FLII: variants seen among roughly 807,000 people sequenced by gnomAD.
FLII encodes protein flightless-1 homolog.
FLII carries 101 observed loss-of-function variants against 156.2 expected under a neutral mutation model. The ratio of observed to expected loss-of-function variants is 0.65; its 90% CI spans 0.55 to 0.76. The LOEUF is 0.76. FLII is among the 30% of genes least tolerant of loss of function. The pLI is 0.00. For synonymous variants in FLII, 767 were observed against 685.8 expected (o/e 1.12, Z -1.85); for missense variants, 1,675 against 1,682.8 (o/e 1.00, Z 0.08).
chr17:18,247,747 G>T lies in FLII; in HGVS notation c.2397C>A (p.Ala799=). Residue 799 remains alanine (A), a synonymous_variant, in exon 20 of 30, where the codon GCC becomes GCA. Transcript: ENST00000327031. ...ACAGCTCCTGACCCAGCTTGAGGGCGGCAGCGCGCACCAGGCGCGGGGACT... is the reference window on the plus strand; with the variant it reads ...ACAGCTCCTGACCCAGCTTGAGGGCTGCAGCGCGCACCAGGCGCGGGGACT... ...GRKSPRLVRA[A]ALKLGQELCG... 6.2e-7 allele frequency: 1 copy of T among 1,606,358 alleles called. No individual in the cohort carries two copies. Among genetic ancestry groups the T allele is most frequent in the South Asian group, 1.1e-5 (1 of 91,056 alleles).
rs370879322 is a variant in FLII, at chr17:18,247,230, T to C, written c.2615A>G (p.Gln872Arg). Reference protein sequence around the residue: ...KVKRDAEKKDQMKADLTALFL... With the variant: ...KVKRDAEKKDRMKADLTALFL... ...AAGCGCAGTGAGGTCAGCCTTCATCTGGTCTTTCTTCTCGGCGTCGCGTTT... is the reference window on the plus strand; with the variant it reads ...AAGCGCAGTGAGGTCAGCCTTCATCCGGTCTTTCTTCTCGGCGTCGCGTTT... The change falls in exon 21 of 30, where the codon CAG (glutamine) becomes CGG (arginine). Residue 872 changes from glutamine (Q) to arginine (R), a missense_variant. By Grantham distance (43) the Gln-to-Arg change is conservative. Coordinates refer to ENST00000327031, the MANE Select transcript of FLII (RefSeq NM_002018.4). 15 of 1,600,632 alleles carry C rather than the reference T, an allele frequency of 9.4e-6. No homozygotes were observed. The highest frequency in any genetic ancestry group is 1.7e-5 in the Admixed American group (1 of 59,448).
Position 18,247,821 on chromosome 17 carries a change from C to CG in FLII, c.2322dup (p.Val775ArgfsTer102). The CG allele has an allele frequency of 1.2e-6, 2 of 1,613,516 alleles. No homozygotes were observed. Among genetic ancestry groups the CG allele is most frequent in the Non-Finnish European group, 1.7e-6 (2 of 1,180,008 alleles). Reference sequence around the variant, plus strand: ...TCGGACCAACAGTCCAGAATGTACACGCAGCGCGTGTCCAGCAGACTCTGC... The same window carrying CG: ...TCGGACCAACAGTCCAGAATGTACACGGCAGCGCGTGTCCAGCAGACTCTGC... On this transcript the variant is annotated frameshift_variant, in exon 20 of 30. Coordinates refer to ENST00000327031, the MANE Select transcript of FLII (RefSeq NM_002018.4). LOFTEE classifies it high-confidence loss of function.
chr17:18,258,151 G>A lies in FLII; in HGVS notation c.63+477C>T, dbSNP rs917105560. Among the ~76,000 whole-genome samples, 2 of 152,260 alleles carry A rather than the reference G, an allele frequency of 1.3e-5. No homozygotes were observed. Among genetic ancestry groups the A allele is most frequent in the Admixed American group, 1.3e-4 (2 of 15,288 alleles). Reference sequence around the variant, plus strand: ...GCTGAGAAAGCCTAGGCTCTGAGAGGGGAAGTGATCTGAGAGGCCCAGGAT... The same window carrying A: ...GCTGAGAAAGCCTAGGCTCTGAGAGAGGAAGTGATCTGAGAGGCCCAGGAT... On this transcript the variant is annotated intron_variant, in intron 1 of 29. Coordinates refer to ENST00000327031, the MANE Select transcript of FLII (RefSeq NM_002018.4). This position sits in a 1 kb window ranked among gnomAD's most constrained non-coding sequence, Gnocchi z 4.2.
intron 10 of FLII, 76 bp from the exon 11 acceptor site, chr17:18,252,222 C>T (rs371988322): frequency 4.3e-6 from 6 of 1,405,352 alleles, no homozygotes; most frequent in South Asian, 1.2e-5. Flanking sequence ...GTTTCTTGCT[C>T]TTGTCTGCAG....
chr17:18,253,219 A>G lies in FLII; in HGVS notation c.1013+82T>C, dbSNP rs976217892. On this transcript the variant is annotated intron_variant, in intron 9 of 29. Coordinates refer to ENST00000327031, the MANE Select transcript of FLII (RefSeq NM_002018.4). Reference sequence around the variant, plus strand: ...CATCTTCATTTTGTCTGACTTGCACAGACCACAAGGTGGGCTCTGACTACG... The same window carrying G: ...CATCTTCATTTTGTCTGACTTGCACGGACCACAAGGTGGGCTCTGACTACG... The G allele has an allele frequency of 2.1e-6, 3 of 1,454,264 alleles. No individual in the cohort carries two copies. In the Admixed American group the frequency reaches 5.4e-5, roughly 26 times the overall value. The allele number at this position is 1,454,264 out of a possible 1,614,324, so 90.1% of individuals were successfully genotyped here.
chr17:18,246,533 G>A lies in FLII; in HGVS notation c.3051+61C>T, dbSNP rs78659863. On this transcript the variant is annotated intron_variant, in intron 23 of 29. Transcript: ENST00000327031. ...GCCCCTCGGGAGCCTAACCTTCGCT[G>A]GGTCTGAGCCCCACCACACCCCTCC... The A allele has an allele frequency of 4.6e-3, 7,374 of 1,611,350 alleles. 298 individuals are homozygous for A. The African/African-American group carries it at 0.085, about 18-fold the overall frequency.
rs751471210 is a variant in FLII, at chr17:18,252,011, C to T, written c.1234G>A (p.Ala412Thr). 6.2e-7 allele frequency: 1 copy of T among 1,612,970 alleles called. No homozygotes were observed. Among genetic ancestry groups the T allele is most frequent in the South Asian group, 1.1e-5 (1 of 91,076 alleles). ...LAGASPATVA[A>T]AAAAGSGPKD... is the part of the protein sequence containing the mutation. Reference sequence around the variant, plus strand: ...TTTCCCCACTCACCAGCTGCAGCTGCAGCCACGGTAGCAGGAGAGGCACCC... The same window carrying T: ...TTTCCCCACTCACCAGCTGCAGCTGTAGCCACGGTAGCAGGAGAGGCACCC... The change falls in exon 11 of 30, where the codon GCA (alanine) becomes ACA (threonine). Residue 412 changes from alanine to threonine, a missense_variant. Ala to Thr is a moderately conservative substitution (Grantham distance 58, BLOSUM62 0). This residue lies in a region of FLII where 1,332 missense variants were observed against 1,269.3 expected (regional missense o/e 1.05). Transcript: ENST00000327031.
rs1163937454 is a variant in FLII at position 18,246,579 on chromosome 17, G to T, written c.3051+15C>A. 1.2e-6 allele frequency: 2 copies of T among 1,613,180 alleles called. No individual in the cohort carries two copies. Among genetic ancestry groups the T allele is most frequent in the African/African-American group, 2.7e-5 (2 of 74,900 alleles). Reference sequence around the variant, plus strand: ...CCTCCGCCTGGCCTCGGGCTCGCGGGGCTGCCAGGCACACCTCCAGCTTCC... The same window carrying T: ...CCTCCGCCTGGCCTCGGGCTCGCGGTGCTGCCAGGCACACCTCCAGCTTCC... On this transcript the variant is annotated intron_variant, in intron 23 of 29. Transcript: ENST00000327031.
At position 18,246,831 on chromosome 17, in the gene FLII, G is replaced by A; in HGVS notation, c.2817-3C>T. 2.5e-6 allele frequency: 4 copies of A among 1,613,822 alleles called. No individual in the cohort carries two copies. Among genetic ancestry groups the A allele is most frequent in the Non-Finnish European group, 3.4e-6 (4 of 1,179,784 alleles). Reference sequence around the variant, plus strand: ...CGTACTCCACAGGCACCCAGTACCTGCCGGGTTGGAAGGTTGTGAGCAGGG... The same window carrying A: ...CGTACTCCACAGGCACCCAGTACCTACCGGGTTGGAAGGTTGTGAGCAGGG... On this transcript the variant is annotated splice_polypyrimidine_tract_variant and splice_region_variant and intron_variant, in intron 22 of 29. Transcript: ENST00000327031.
rs144058499 is a variant in FLII, at chr17:18,245,227, G to A, written c.3721C>T (p.Arg1241Trp). 1.9e-4 allele frequency: 308 copies of A among 1,613,900 alleles called. No homozygotes were observed. The highest frequency in any genetic ancestry group is 1.8e-3 in the Middle Eastern group (11 of 6,062). Residue 1241 changes from arginine to tryptophan, a missense_variant, in exon 30 of 30, where the codon CGG becomes TGG. Transcript: ENST00000327031. ...TTGCCCTTGCGGACCAGGCGCAGCCGGCGCGGCCGCTCATGTTCCTTGGAC... is the reference window on the plus strand; with the variant it reads ...TTGCCCTTGCGGACCAGGCGCAGCCAGCGCGGCCGCTCATGTTCCTTGGAC... ...MRSKEHERPR[R>W]LRLVRKGNEQ...
chr17:18,251,560 TTTGCACAGCTGTTCTTTC>T (rs2048269371), intron 12 of FLII, 83 bp from the exon 13 acceptor site: 1 of 1,568,210 alleles, frequency 6.4e-7, no homozygotes. Flanking sequence ...CCTCAGGGCC[TTTGCACAGCTGTTCTTTC>T]TGCCCAGCAC....
rs2048361487 is a variant in FLII at position 18,254,542 on chromosome 17, G to A, written c.554C>T (p.Pro185Leu). 6.2e-7 allele frequency: 1 copy of A among 1,612,714 alleles called. No individual in the cohort carries two copies. Among genetic ancestry groups the A allele is most frequent in the Non-Finnish European group, 8.5e-7 (1 of 1,179,756 alleles). ...CCACCGGAGCTGTGCATGCAGCAGG[G>A]GGTTTCCATTGAGCACGAGCGTCTG... ...HLQTLVLNGNPLLHAQLRQLP... is the reference protein window; with the variant it reads ...HLQTLVLNGNLLLHAQLRQLP... Residue 185 changes from proline to leucine, a missense_variant, in exon 6 of 30, where the codon CCC becomes CTC. Physicochemically the swap from Pro to Leu is moderately conservative, Grantham distance 98 (BLOSUM62 -3). Around this residue, in one of 2 missense-constraint regions of FLII, gnomAD observed 343 missense variants for 413.5 expected, o/e 0.83. Coordinates refer to ENST00000327031, the MANE Select transcript of FLII (RefSeq NM_002018.4).
rs1244758186 is a variant in FLII at position 18,244,851 on chromosome 17, A to G, written c.*287T>C. The stretch of plus-strand genomic sequence containing the variant: ...AAAATACTGATTTTTAATATTGAAA[A>G]TAAAAGCATTTAATATCTCTTAAAG... On this transcript the variant is annotated 3_prime_UTR_variant, in exon 30 of 30. Coordinates refer to ENST00000327031, the MANE Select transcript of FLII (RefSeq NM_002018.4). 5 of 399,888 alleles carry G rather than the reference A, an allele frequency of 1.3e-5. No individual in the cohort carries two copies. Among genetic ancestry groups the G allele is most frequent in the African/African-American group, 2.1e-5 (1 of 48,576 alleles). 24.8% of individuals were successfully genotyped at this position (399,888 alleles called of 1,614,324 possible).
intron 6 of FLII, 54 bp downstream of exon 6, chr17:18,254,467 G>T: frequency 6.5e-7 from 1 of 1,530,656 alleles, no homozygotes; most frequent in Non-Finnish European, 8.8e-7. Context: ...GAAGGGGCCC[G>T]GCCAGACTCC....
rs2048046434 is a variant in FLII at position 18,246,210 on chromosome 17, G to C, written c.3219C>G (p.Ile1073Met). 1 of 1,614,028 alleles carries C rather than the reference G, an allele frequency of 6.2e-7. No individual in the cohort carries two copies. Among genetic ancestry groups the C allele is most frequent in the South Asian group, 1.1e-5 (1 of 91,088 alleles). Residue 1073 changes from isoleucine to methionine, a missense_variant, in exon 25 of 30, where the codon ATC becomes ATG. Ile to Met is a conservative substitution (Grantham distance 10). Transcript: ENST00000327031. ...AGTTGAGGAGGCTGGAGTCGGTGTT[G>C]ATCTGGATGCACCTGTGGAAGGGAT... is the stretch of plus-strand genomic sequence containing the variant. ...GSALCTRCIQINTDSSLLNSE... is the reference protein window; with the variant it reads ...GSALCTRCIQMNTDSSLLNSE...
chr17:18,256,817 C>T lies in FLII; in HGVS notation c.174+92G>A. On this transcript the variant is annotated intron_variant, in intron 2 of 29. Coordinates refer to ENST00000327031, the MANE Select transcript of FLII (RefSeq NM_002018.4). Reference sequence around the variant, plus strand: ...GCTCTGCTCATAGCTGTCGGTGTTCCTCTCTCTGGAGAAGTTGTCTGCCTT... The same window carrying T: ...GCTCTGCTCATAGCTGTCGGTGTTCTTCTCTCTGGAGAAGTTGTCTGCCTT... 1.1e-5 allele frequency: 10 copies of T among 890,266 alleles called. No individual in the cohort carries two copies. The South Asian group carries it at 1.5e-4, about 14-fold the overall frequency. 55.1% of individuals were successfully genotyped at this position (890,266 alleles called of 1,614,324 possible). A position where few individuals can be genotyped will look rare whatever the true frequency, so the allele number is the denominator to read the frequency against.
Position 18,251,366 on chromosome 17 carries a change from G to A in FLII, c.1495C>T (p.Pro499Ser), listed in dbSNP as rs1207125507. 2 of 1,613,646 alleles carry A rather than the reference G, an allele frequency of 1.2e-6. No homozygotes were observed. Among genetic ancestry groups the A allele is most frequent in the East Asian group, 2.2e-5 (1 of 44,896 alleles). ...EFFTEDVGQL[P>S]GLTIWQIENF... The stretch of plus-strand genomic sequence containing the variant: ...TCTATCTGCCAGATGGTCAGTCCGG[G>A]CAGCTGGCCCACGTCCTCCGTGAAG... The change falls in exon 13 of 30, where the codon CCC becomes TCC. Residue 499 changes from proline to serine, a missense_variant. Pro to Ser is a moderately conservative substitution (Grantham distance 74, BLOSUM62 -1). This residue lies in a region of FLII where 1,332 missense variants were observed against 1,269.3 expected (regional missense o/e 1.05). Coordinates refer to ENST00000327031, the MANE Select transcript of FLII (RefSeq NM_002018.4).
In FLII at chr17:18,254,308, G is replaced by A. The variant is rs956900811; in HGVS notation, c.576-126C>T. The A allele has an allele frequency of 9.3e-6, 8 of 856,540 alleles. No individual in the cohort carries two copies. The Admixed American group carries it at 1.7e-4, about 18-fold the overall frequency. The allele number at this position is 856,540 out of a possible 1,614,324, so 53.1% of individuals were successfully genotyped here. The stretch of plus-strand genomic sequence containing the variant: ...GGTGTGAGGTCACATCTGGTTGAAG[G>A]GACAAGCCCAAGGGTGGTTGCGGGG... On this transcript the variant is annotated intron_variant, in intron 6 of 29. Transcript: ENST00000327031.
chr17:18,257,604 G>A (rs949732886), intron 1 of FLII, among the ~76,000 whole-genome samples: 1 of 152,236 alleles, frequency 6.6e-6, no homozygotes, highest in Non-Finnish European at 1.5e-5. Context: ...CAGTGCCTGC[G>A]GCTGATATTC....
Sources: allele counts gnomAD v4.1 joint callset (sites outside exome capture counted in the v4.1 genomes callset), GRCh38; gene constraint gnomAD v4.1.1; regional missense constraint gnomAD v4.1.1; non-coding constraint Gnocchi (gnomAD v3.1); transcripts MANE v1.5; gene names NCBI Gene and HGNC (gene_info 2026-07-23, HGNC 2026-07-21).